RBPJ: variants seen among roughly 807,000 people sequenced by gnomAD.
RBPJ encodes the protein recombination signal binding protein for immunoglobulin kappa J region.
A neutral mutation model predicts 67.8 loss-of-function variants in RBPJ; 9 were observed. That is an observed-to-expected ratio of 0.13 (90% confidence interval 0.08 to 0.23). RBPJ has a LOEUF of 0.23. RBPJ is among the 10% of genes least tolerant of loss of function. RBPJ has a pLI of 1.00. For synonymous variants in RBPJ, 198 were observed against 203.3 expected (o/e 0.97, Z 0.22); for missense variants, 305 against 595.6 (o/e 0.51, Z 5.08).
rs139254025 is a variant in RBPJ at position 26,311,712 on chromosome 4, T to G, written c.-166-50734T>G. Among the ~76,000 whole-genome samples the G allele has an allele frequency of 2.2e-4, 33 of 152,300 alleles. 2 individuals carry two copies. The highest frequency in any genetic ancestry group is 7.5e-4 in the African/African-American group (31 of 41,556). On this transcript the variant is annotated intron_variant, in intron 1 of 4. Coordinates refer to the RBPJ transcript ENST00000512351. Reference sequence around the variant, plus strand: ...ATTGATTTTTAAAAAAGAAACTATGTGCCATTACTCCCTTTAGTGAGAAAG... The same window carrying G: ...ATTGATTTTTAAAAAAGAAACTATGGGCCATTACTCCCTTTAGTGAGAAAG...
At chr4:26,421,583 G>T (rs1181392454) in intron 5 of RBPJ, among the ~76,000 whole-genome samples, 12 of 152,072 alleles carry the variant, frequency 7.9e-5, no homozygotes, top group Admixed American at 2.6e-4. Flanking sequence ...GATTGCAGGC[G>T]TGAGCCACCA....
intron 1 of RBPJ, among the ~76,000 whole-genome samples, chr4:26,326,724 T>C (rs997715254): frequency 6.6e-6 from 1 of 152,218 alleles, no homozygotes; most frequent in African/African-American, 2.4e-5. Context: ...AAACAGTGTA[T>C]GTGTAAGTGA....
rs766336628 is a variant in RBPJ, at chr4:26,255,403, C to CAAAAAA, written c.-167+91807_-167+91812dup. ...TGGGCGACAGAGCGAGACTCCGTCTCAAAAAAAAAAAAAAAAAAAAAAAGT... is the reference window on the plus strand; with the variant it reads ...TGGGCGACAGAGCGAGACTCCGTCTCAAAAAAAAAAAAAAAAAAAAAAAAAAAAAGT... On this transcript the variant is annotated intron_variant, in intron 1 of 4. Transcript: ENST00000512351. Among the ~76,000 whole-genome samples the CAAAAAA allele has an allele frequency of 5.0e-3, 173 of 34,478 alleles. 15 individuals are homozygous for CAAAAAA. Among genetic ancestry groups the CAAAAAA allele is most frequent in the African/African-American group, 0.024 (157 of 6,642 alleles). The allele number at this position is 34,478 out of a possible 152,430, so 22.6% of individuals were successfully genotyped here. A position where few individuals can be genotyped will look rare whatever the true frequency, so the allele number is the denominator to read the frequency against.
chr4:26,245,714 C>A (rs73114512), intron 1 of RBPJ, among the ~76,000 whole-genome samples: 2 of 152,058 alleles, frequency 1.3e-5, no homozygotes, highest in African/African-American at 4.8e-5. Context: ...TTAGCTCTTG[C>A]AGTTAGCCCT....
chr4:26,367,739 T>G (rs1728771386), intron 1 of RBPJ: 1 of 152,242 alleles, frequency 6.6e-6, no homozygotes, highest in Non-Finnish European at 1.5e-5. Context: ...ACAGCAGATG[T>G]TTGCTTTATA....
intron 1 of RBPJ, among the ~76,000 whole-genome samples, chr4:26,210,555 A>AT (rs1718348409): frequency 6.6e-6 from 1 of 152,154 alleles, no homozygotes. Flanking sequence ...AACTAAAAAC[A>AT]TTTTTATTTC....
chr4:26,163,205 T>G (rs567611573), upstream of RBPJ, among the ~76,000 whole-genome samples: 7 of 152,318 alleles, frequency 4.6e-5, no homozygotes, highest in South Asian at 1.5e-3. Flanking sequence ...CTAAAGCAGC[T>G]GTAACATCAT....
chr4:26,319,480 G>GC (rs1249387025), upstream of RBPJ, among the ~76,000 whole-genome samples: 1 of 80,222 alleles, frequency 1.2e-5, no homozygotes, highest in Non-Finnish European at 2.6e-5. Context: ...CACCCCGCCC[G>GC]CGCCCGCCGC....
chr4:26,276,001 G>A (rs956578186), intron 1 of RBPJ, among the ~76,000 whole-genome samples: 4 of 151,510 alleles, frequency 2.6e-5, no homozygotes, highest in African/African-American at 7.3e-5. Context: ...TAGGCTGGGC[G>A]TGGTGGCTCA....
upstream of RBPJ, chr4:26,320,521 A>G: frequency 2.0e-6 from 1 of 495,642 alleles, no homozygotes; most frequent in Non-Finnish European, 3.6e-6. Context: ...ATGAATGAAA[A>G]TAGCTGGGAA....
chr4:26,295,921 T>C (rs555958146), intron 1 of RBPJ, among the ~76,000 whole-genome samples: 2 of 152,310 alleles, frequency 1.3e-5, no homozygotes, highest in Admixed American at 1.3e-4. Flanking sequence ...ATAACCACAG[T>C]AAATCACTTC....
chr4:26,116,756 C>T, the RBPJ span, among the ~76,000 whole-genome samples: 17 of 152,340 alleles, frequency 1.1e-4, no homozygotes, highest in African/African-American at 4.1e-4. Context: ...GTGGCTGCTG[C>T]CACCCATGCC....
intron 1 of RBPJ, among the ~76,000 whole-genome samples, chr4:26,169,039 G>C (rs938243155): frequency 6.6e-6 from 1 of 152,208 alleles, no homozygotes; most frequent in African/African-American, 2.4e-5. Context: ...GCTCGGAGTA[G>C]TTTGATCGTC....
intron 1 of RBPJ, among the ~76,000 whole-genome samples, chr4:26,190,741 A>G (rs77205915): frequency 0.017 from 2,567 of 152,244 alleles, 73 homozygotes; most frequent in African/African-American, 0.058. Context: ...AACAGCAAAA[A>G]TATTTATCTA....
intron 1 of RBPJ, among the ~76,000 whole-genome samples, chr4:26,248,744 A>G (rs1471975390): frequency 6.6e-6 from 1 of 152,170 alleles, no homozygotes; most frequent in African/African-American, 2.4e-5. Flanking sequence ...AAGTGATGGG[A>G]GAGAGGAGTC....
At chr4:26,219,131 T>A (rs558299185) in intron 1 of RBPJ, among the ~76,000 whole-genome samples, 1 of 152,186 alleles carries the variant, frequency 6.6e-6, no homozygotes, top group Non-Finnish European at 1.5e-5. Context: ...CAAAGGGAAA[T>A]AAGGGCAGGA....
chr4:26,218,447 G>A (rs902786719), intron 1 of RBPJ, among the ~76,000 whole-genome samples: 3 of 152,190 alleles, frequency 2.0e-5, no homozygotes, highest in East Asian at 1.9e-4. Context: ...TCTACCCCCC[G>A]AAGGGTACCT....
At chr4:26,319,691 G>C (rs866239479), upstream of RBPJ, 1 of 681,648 alleles carries the variant, frequency 1.5e-6, no homozygotes, top group African/African-American at 1.8e-5. Flanking sequence ...GAGGTGTAGC[G>C]TGAGACTGGA....
At position 26,433,876 on chromosome 4, in the gene RBPJ, CT is replaced by C. The variant is rs1282616577; in HGVS notation, c.*2870del. On this transcript the variant is annotated 3_prime_UTR_variant, in exon 11 of 11. Coordinates refer to ENST00000355476, the MANE Select transcript of RBPJ (RefSeq NM_015874.6). ...TTATTAGACATGCTGGTCATTTACCCTCAGAAAGACTCTCTTATTAGAATGG... is the reference window on the plus strand; with the variant it reads ...TTATTAGACATGCTGGTCATTTACCCCAGAAAGACTCTCTTATTAGAATGG... The C allele has an allele frequency of 5.3e-5, 8 of 152,154 alleles. No individual in the cohort carries two copies. Among genetic ancestry groups the C allele is most frequent in the Admixed American group, 5.2e-4 (8 of 15,278 alleles). 9.4% of individuals were successfully genotyped at this position (152,154 alleles called of 1,614,324 possible). A position where few individuals can be genotyped will look rare whatever the true frequency, so the allele number is the denominator to read the frequency against.
Sources: gnomAD v4.1 joint callset for allele counts (sites outside exome capture counted in the v4.1 genomes callset) on GRCh38, gnomAD v4.1.1 for gene constraint, MANE v1.5 for transcripts, NCBI Gene and HGNC (gene_info 2026-07-23, HGNC 2026-07-21) for gene names.